The following MYH9 variants were observed in gnomAD, a reference collection of about 807,000 sequenced individuals.
MYH9 encodes myosin heavy chain 9.
Under a neutral mutation model 241.9 loss-of-function variants are expected in MYH9, and 29 were observed. That is an observed-to-expected ratio of 0.12 (90% CI 0.09 to 0.16). The LOEUF (loss-of-function observed/expected upper bound fraction) is 0.16. Ranked by LOEUF, MYH9 falls within the 10% of genes least tolerant of loss-of-function variation. The pLI, the probability that MYH9 is intolerant of heterozygous loss-of-function variation, is 1.00. For missense variants in MYH9, 1,803 were observed against 2,595.5 expected (o/e 0.69, Z 6.63); for synonymous variants, 1,047 against 1,062.6 (o/e 0.99, Z 0.29).
In MYH9 at chr22:36,320,375, G is replaced by A. The variant is rs374880808; in HGVS notation, c.869-12C>T. ...CAACAGGAGATCGGCTGTAAGGGGTGGAGGGCAAGGGCGCCTCAGCGAGGT... is the reference window on the plus strand; with the variant it reads ...CAACAGGAGATCGGCTGTAAGGGGTAGAGGGCAAGGGCGCCTCAGCGAGGT... On this transcript the variant is annotated splice_polypyrimidine_tract_variant and intron_variant, in intron 8 of 40. Coordinates refer to ENST00000216181, the MANE Select transcript of MYH9 (RefSeq NM_002473.6). This position sits in a 1 kb window ranked among gnomAD's most constrained non-coding sequence, Gnocchi z 4.8. 1.3e-4 allele frequency: 204 copies of A among 1,612,402 alleles called. No individual in the cohort carries two copies. The highest frequency in any genetic ancestry group is 1.7e-4 in the Non-Finnish European group (201 of 1,180,034).
In MYH9 at chr22:36,282,262, C is replaced by T. The variant is rs1305761751; in HGVS notation, c.*406G>A. 5 of 374,058 alleles carry T rather than the reference C, an allele frequency of 1.3e-5. No individual in the cohort carries two copies. The highest frequency in any genetic ancestry group is 2.0e-5 in the African/African-American group (1 of 49,564). The allele number at this position is 374,058 out of a possible 1,614,324, so 23.2% of individuals were successfully genotyped here. ...TGGTGGCAGACGTCAGGGAGGCTGA[C>T]GACTGCGGGGGCTCCGACTACCAAA... On this transcript the variant is annotated 3_prime_UTR_variant, in exon 41 of 41. Coordinates refer to ENST00000216181, the MANE Select transcript of MYH9 (RefSeq NM_002473.6).
chr22:36,385,432 T>A (rs1445535910), intron 1 of MYH9, among the ~76,000 whole-genome samples: 1 of 152,194 alleles, frequency 6.6e-6, no homozygotes. Context: ...GTTTTTCTTC[T>A]TTTAAAGAGC....
chr22:36,365,034 C>T (rs2146409958), intron 1 of MYH9: 1 of 131,774 alleles, frequency 7.6e-6, no homozygotes, highest in African/African-American at 2.8e-5. Flanking sequence ...ATCGGAGTAT[C>T]GTCTAACTCA....
intron 1 of MYH9, among the ~76,000 whole-genome samples, chr22:36,357,220 G>A (rs2017870130): frequency 6.6e-6 from 1 of 152,246 alleles, no homozygotes; most frequent in Non-Finnish European, 1.5e-5. Flanking sequence ...CTCAAGCGAA[G>A]AGTGTCATGG....
At chr22:36,377,372 A>G (rs2146423057) in intron 1 of MYH9, among the ~76,000 whole-genome samples, 1 of 152,286 alleles carries the variant, frequency 6.6e-6, no homozygotes, top group Non-Finnish European at 1.5e-5. Context: ...TTGAACATAG[A>G]CAACTCTAAA....
intron 2 of MYH9, among the ~76,000 whole-genome samples, chr22:36,345,374 T>C (rs780782846): frequency 6.7e-6 from 1 of 148,968 alleles, no homozygotes; most frequent in Non-Finnish European, 1.5e-5. Flanking sequence ...AGACTCCACA[T>C]AGCCATGTCT....
In MYH9 at chr22:36,300,816, G is replaced by A. The variant is rs201177620; in HGVS notation, c.2838+35C>T. 803 of 1,598,088 alleles carry A rather than the reference G, an allele frequency of 5.0e-4. 1 individual carries two copies. Among genetic ancestry groups the A allele is most frequent in the Middle Eastern group, 6.8e-4 (4 of 5,916 alleles). ...CTCCTCCGCCCCGCCCTGCCCCTCC[G>A]GCGCCACCCCTCCCCGGGTGCAGCG... is the stretch of plus-strand genomic sequence containing the variant. On this transcript the variant is annotated intron_variant, in intron 22 of 40. Transcript: ENST00000216181. The surrounding 1 kb of genome is among the most constrained non-coding windows in gnomAD (Gnocchi z 5.0).
intron 2 of MYH9, among the ~76,000 whole-genome samples, chr22:36,341,924 C>G (rs780500815): frequency 6.6e-6 from 1 of 152,226 alleles, no homozygotes; most frequent in Non-Finnish European, 1.5e-5. Context: ...TCAGCTGCAG[C>G]GCAGCAAACT....
chr22:36,363,137 G>A (rs1175043978), intron 1 of MYH9, among the ~76,000 whole-genome samples: 1 of 152,178 alleles, frequency 6.6e-6, no homozygotes, highest in African/African-American at 2.4e-5. Flanking sequence ...CCCCCAGGCA[G>A]CCTCTCCTAG....
intron 3 of MYH9, among the ~76,000 whole-genome samples, chr22:36,339,911 A>G (rs1415537589): frequency 6.6e-6 from 1 of 152,226 alleles, no homozygotes; most frequent in African/African-American, 2.4e-5. Context: ...CTGCAGTCAA[A>G]TAAAGCACTA....
intron 14 of MYH9, among the ~76,000 whole-genome samples, 156 bp from the exon 15 acceptor site, chr22:36,309,552 G>A (rs1325441908): frequency 2.6e-5 from 4 of 152,238 alleles, no homozygotes; most frequent in Non-Finnish European, 5.9e-5. Flanking sequence ...AAGTGGTGAG[G>A]ATAAGGGGAG....
chr22:36,376,509 T>TGCTG (rs2018169398), intron 1 of MYH9, among the ~76,000 whole-genome samples: 1 of 152,166 alleles, frequency 6.6e-6, no homozygotes, highest in African/African-American at 2.4e-5. Context: ...CCTCCATCGC[T>TGCTG]GCTGAGCCCC....
At chr22:36,347,770 C>A (rs150001093) in intron 2 of MYH9, among the ~76,000 whole-genome samples, 2 of 144,938 alleles carry the variant, frequency 1.4e-5, no homozygotes, top group Middle Eastern at 3.6e-3. Flanking sequence ...GAGTTCGAGA[C>A]CAGACTGGCC....
Position 36,294,192 on chromosome 22 carries a change from T to C in MYH9, c.3737A>G (p.Lys1246Arg), listed in dbSNP as rs2016753179. 6.2e-7 allele frequency: 1 copy of C among 1,613,894 alleles called. No homozygotes were observed. The highest frequency in any genetic ancestry group is 8.5e-7 in the Non-Finnish European group (1 of 1,180,056). Residue 1246 changes from lysine to arginine, a missense_variant, in exon 28 of 41, where the codon AAG becomes AGG. This residue lies in a region of MYH9 where 876 missense variants were observed against 1,077.8 expected (regional missense o/e 0.81). Transcript: ENST00000216181. ...CAGCTGCGCCTCCACTTTCTTGCGC[T>C]TGTGCTCCGAGTCCCCTTTGCCCTG... ...LLQGKGDSEH[K>R]RKKVEAQLQE...
intron 21 of MYH9, 75 bp from the exon 22 acceptor site, chr22:36,301,132 T>C (rs944362699): frequency 2.1e-6 from 3 of 1,416,772 alleles, no homozygotes; most frequent in African/African-American, 1.4e-5. Flanking sequence ...ACGGACGCCA[T>C]GGCTCGGGAT....
At chr22:36,371,694 G>A (rs2018092300) in intron 1 of MYH9, among the ~76,000 whole-genome samples, 1 of 152,028 alleles carries the variant, frequency 6.6e-6, no homozygotes, top group Admixed American at 6.6e-5. Flanking sequence ...CCACCACCAT[G>A]CCTGGCTAAT....
In MYH9 at chr22:36,282,694, C is replaced by T. The variant is rs200652984; in HGVS notation, c.5857G>A (p.Gly1953Arg). Residue 1953 changes from glycine to arginine, a missense_variant, in exon 41 of 41, where the codon GGG becomes AGG. Gly to Arg is a moderately radical substitution (Grantham distance 125). This residue lies in a region of MYH9 where 876 missense variants were observed against 1,077.8 expected (regional missense o/e 0.81). Transcript: ENST00000216181. Reference protein sequence around the residue: ...SDEEVDGKADGAEAKPAE With the variant: ...SDEEVDGKADRAEAKPAE ...TATTCGGCAGGTTTGGCCTCAGCCC[C>T]ATCCGCTTTGCCATCTACCTCTTCG... 98 of 1,614,072 alleles carry T rather than the reference C, an allele frequency of 6.1e-5. No individual in the cohort carries two copies. Among genetic ancestry groups the T allele is most frequent in the Non-Finnish European group, 8.1e-5 (96 of 1,180,044 alleles).
intron 3 of MYH9, among the ~76,000 whole-genome samples, chr22:36,331,034 C>G (rs897576544): frequency 2.6e-5 from 4 of 152,120 alleles, no homozygotes; most frequent in Non-Finnish European, 5.9e-5. Flanking sequence ...GAGCAAGGGA[C>G]AGTGGGTGGT....
intron 6 of MYH9, among the ~76,000 whole-genome samples, 176 bp downstream of exon 6, chr22:36,322,253 G>C (rs945695002): frequency 2.6e-5 from 4 of 152,354 alleles, no homozygotes; most frequent in African/African-American, 9.6e-5. Flanking sequence ...AGAGGGGCAG[G>C]GCAGGTCCAC....
Sources: allele counts gnomAD v4.1 joint callset (sites outside exome capture counted in the v4.1 genomes callset), GRCh38; gene constraint gnomAD v4.1.1; regional missense constraint gnomAD v4.1.1; non-coding constraint Gnocchi (gnomAD v3.1); transcripts MANE v1.5; gene names NCBI Gene and HGNC (gene_info 2026-07-23, HGNC 2026-07-21).